Variants in GLT8D1 observed in about 807,000 individuals in gnomAD.
The protein encoded by GLT8D1 is glycosyltransferase 8 domain-containing protein 1.
Under a neutral mutation model 46.2 loss-of-function variants are expected in GLT8D1, and 41 were observed. The observed-to-expected ratio is 0.89, with a 90% confidence interval of 0.69 to 1.15. The LOEUF is 1.15. Ranked by LOEUF, GLT8D1 falls within the 50% of genes most tolerant of loss-of-function variation. The pLI is 0.00. For synonymous variants in GLT8D1, 150 were observed against 154.2 expected (o/e 0.97, Z 0.20); for missense variants, 408 against 449.3 (o/e 0.91, Z 0.83).
At position 52,694,557 on chromosome 3, in the gene GLT8D1, GAATT is replaced by G; in HGVS notation, c.*284_*287del. 1 of 582,880 alleles carries G rather than the reference GAATT, an allele frequency of 1.7e-6. No homozygotes were observed. Among genetic ancestry groups the G allele is most frequent in the Non-Finnish European group, 3.0e-6 (1 of 328,794 alleles). The allele number at this position is 582,880 out of a possible 1,614,324, so 36.1% of individuals were successfully genotyped here. A position where few individuals can be genotyped will look rare whatever the true frequency, so the allele number is the denominator to read the frequency against. The stretch of plus-strand genomic sequence containing the variant: ...CAAAATTAAAACCAACAGCAGTTTT[GAATT>G]ATCTGTACCAGCTAGCTGAACTAGC... On this transcript the variant is annotated 3_prime_UTR_variant, in exon 10 of 10. Coordinates refer to ENST00000266014, the MANE Select transcript of GLT8D1 (RefSeq NM_018446.4).
intron 4 of GLT8D1, 116 bp downstream of exon 4, chr3:52,697,605 G>A (rs2097335142): frequency 1.3e-6 from 1 of 758,410 alleles, no homozygotes; most frequent in African/African-American, 1.7e-5. Context: ...GTTTATCACT[G>A]GTACAATTTC....
chr3:52,704,691 G>A (rs1295606938), intron 1 of GLT8D1: 1 of 152,168 alleles, frequency 6.6e-6, no homozygotes, highest in Admixed American at 6.5e-5. Context: ...AAGGATGAAA[G>A]GGCACTGAGG....
intron 3 of GLT8D1, among the ~76,000 whole-genome samples, chr3:52,699,159 A>C (rs1379144550): frequency 6.6e-6 from 1 of 152,246 alleles, no homozygotes; most frequent in Admixed American, 6.5e-5. Flanking sequence ...GAAGGTACTA[A>C]GCCAAAATTG....
Position 52,696,554 on chromosome 3 carries a change from T to A in GLT8D1, c.435A>T (p.Glu145Asp). 6.4e-7 allele frequency: 1 copy of A among 1,566,040 alleles called. No homozygotes were observed. Among genetic ancestry groups the A allele is most frequent in the East Asian group, 2.2e-5 (1 of 44,658 alleles). The change falls in exon 5 of 10, where the codon GAA becomes GAT. Residue 145 changes from glutamate (E) to aspartate (D), a missense_variant. By Grantham distance (45) the Glu-to-Asp change is conservative. Transcript: ENST00000266014. ...GKVKEDPDQG[E>D]SMKPLTFARF... ...GCATGGAACTCACAGGTTTCATGGA[T>A]TCCCCCTGGTCAGGATCCTCCTTTA...
Position 52,695,597 on chromosome 3 carries a change from C to CAAA in GLT8D1, c.646-13_646-11dup. On this transcript the variant is annotated splice_polypyrimidine_tract_variant and intron_variant, in intron 7 of 9. Transcript: ENST00000266014. ...AGCCAATGTAATTGTACTAAAAACA[C>CAAA]AAATAGGATATATGTACTTACTGCT... 6.6e-7 allele frequency: 1 copy of CAAA among 1,517,854 alleles called. No homozygotes were observed. The highest frequency in any genetic ancestry group is 9.1e-7 in the Non-Finnish European group (1 of 1,093,788). The allele number at this position is 1,517,854 out of a possible 1,614,324, so 94.0% of individuals were successfully genotyped here.
chr3:52,694,738 C>G lies in GLT8D1; in HGVS notation c.*107G>C. On this transcript the variant is annotated 3_prime_UTR_variant, in exon 10 of 10. Coordinates refer to ENST00000266014, the MANE Select transcript of GLT8D1 (RefSeq NM_018446.4). ...CTTTACCTAGCTGACACATCTTTTT[C>G]CATGGCTTGCTACCGATAGGCATTG... 1 of 795,574 alleles carries G rather than the reference C, an allele frequency of 1.3e-6. No homozygotes were observed. 49.3% of individuals were successfully genotyped at this position (795,574 alleles called of 1,614,324 possible).
At chr3:52,701,944 T>C (rs1450479889) in intron 1 of GLT8D1, among the ~76,000 whole-genome samples, 1 of 152,254 alleles carries the variant, frequency 6.6e-6, no homozygotes, top group Non-Finnish European at 1.5e-5. Flanking sequence ...CTTTCTTACT[T>C]CATCTTCACC....
Position 52,700,379 on chromosome 3 carries a change from A to G in GLT8D1, c.17-19T>C. The G allele has an allele frequency of 6.3e-7, 1 of 1,599,872 alleles. No homozygotes were observed. ...ATGTTTACTGAAATAGATAGGGAAA[A>G]CCTATGTTATACCTCTTTATCTTTG... is the stretch of plus-strand genomic sequence containing the variant. On this transcript the variant is annotated intron_variant, in intron 2 of 9. Coordinates refer to ENST00000266014, the MANE Select transcript of GLT8D1 (RefSeq NM_018446.4).
At chr3:52,698,748 C>T (rs1374573175) in intron 3 of GLT8D1, among the ~76,000 whole-genome samples, 2 of 149,112 alleles carry the variant, frequency 1.3e-5, no homozygotes, top group Non-Finnish European at 3.0e-5. Flanking sequence ...AAGGAAACTG[C>T]AATTACTGTC....
Position 52,694,788 on chromosome 3 carries a change from C to T in GLT8D1, c.*57G>A, listed in dbSNP as rs6976. ...GAAGCCTAGCAACTGTTACTTCCCA[C>T]GCATGCTATCTTCCAGGACTTCCTG... On this transcript the variant is annotated 3_prime_UTR_variant, in exon 10 of 10. Transcript: ENST00000266014. 440,520 of 1,185,854 alleles carry T rather than the reference C, an allele frequency of 0.37. 86,465 individuals carry two copies. The highest frequency in any genetic ancestry group is 0.5 in the Admixed American group (29,509 of 58,916). The allele number at this position is 1,185,854 out of a possible 1,614,324, so 73.5% of individuals were successfully genotyped here. A position where few individuals can be genotyped will look rare whatever the true frequency, so the allele number is the denominator to read the frequency against.
chr3:52,694,911 A>G lies in GLT8D1; in HGVS notation c.1050T>C (p.Tyr350=), dbSNP rs751155002. The G allele has an allele frequency of 5.6e-6, 9 of 1,611,772 alleles. No individual in the cohort carries two copies. In the Admixed American group the frequency reaches 1.3e-4, roughly 24 times the overall value. The change falls in exon 10 of 10, where the codon TAT becomes TAC. Residue 350 remains tyrosine (Y), a synonymous_variant. Transcript: ENST00000266014. ...TGAATTTGCCTGTTGGGTCTGGAATATACCATTTTTCCCAAACATCAGTAT... is the reference window on the plus strand; with the variant it reads ...TGAATTTGCCTGTTGGGTCTGGAATGTACCATTTTTCCCAAACATCAGTAT... ...ASYTDVWEKW[Y]IPDPTGKFNL...
At chr3:52,696,719 A>T in intron 4 of GLT8D1, 60 bp from the exon 5 acceptor site, 1 of 939,964 alleles carries the variant, frequency 1.1e-6, no homozygotes, top group Non-Finnish European at 1.7e-6. Flanking sequence ...CAATGAGGGA[A>T]TAATGCAAAA....
At chr3:52,699,867 C>T (rs997806777) in intron 3 of GLT8D1, among the ~76,000 whole-genome samples, 4 of 152,128 alleles carry the variant, frequency 2.6e-5, no homozygotes, top group African/African-American at 9.7e-5. Context: ...ACAGTATGAA[C>T]GACTAATTCA....
intron 3 of GLT8D1, among the ~76,000 whole-genome samples, chr3:52,699,666 A>G (rs1424532063): frequency 6.6e-6 from 1 of 152,138 alleles, no homozygotes; most frequent in Non-Finnish European, 1.5e-5. Context: ...AAACTTTCCT[A>G]CCAGGAACAT....
rs2097335320 is a variant in GLT8D1 at position 52,697,765 on chromosome 3, C to T, written c.285G>A (p.Val95=). ...TGTTGAGAGTAACAATGTAGAAAAT[C>T]ACATTGGAGCGAGTGTTGTGCTGAA... ...NSIQHNTRSN[V]IFYIVTLNNT... The change falls in exon 4 of 10, where the codon GTG becomes GTA. Residue 95 remains valine, a synonymous_variant. Coordinates refer to ENST00000266014, the MANE Select transcript of GLT8D1 (RefSeq NM_018446.4). 6.2e-7 allele frequency: 1 copy of T among 1,613,596 alleles called. No individual in the cohort carries two copies. The highest frequency in any genetic ancestry group is 1.7e-5 in the Admixed American group (1 of 60,016).
In GLT8D1 at chr3:52,705,763, G is replaced by T; in HGVS notation, c.-353C>A. 1 of 1,120,324 alleles carries T rather than the reference G, an allele frequency of 8.9e-7. No homozygotes were observed. Among genetic ancestry groups the T allele is most frequent in the Non-Finnish European group, 1.1e-6 (1 of 872,392 alleles). 69.4% of individuals were successfully genotyped at this position (1,120,324 alleles called of 1,614,324 possible). ...GCCCAGCCAGCCCGCAGCGGTAACC[G>T]CTAGAGCGTCGCGCCAAGCAGGCGC... On this transcript the variant is annotated 5_prime_UTR_variant, in exon 1 of 10. Coordinates refer to ENST00000266014, the MANE Select transcript of GLT8D1 (RefSeq NM_018446.4).
chr3:52,701,348 C>CAAAAAA (rs71087010), intron 1 of GLT8D1: 1 of 139,850 alleles, frequency 7.2e-6, no homozygotes. Context: ...TTGTAACTAG[C>CAAAAAA]AAAAAAAAAA....
rs767101068 is a variant in GLT8D1 at position 52,696,054 on chromosome 3, G to A, written c.533-14C>T. On this transcript the variant is annotated splice_polypyrimidine_tract_variant and intron_variant, in intron 6 of 9. Coordinates refer to ENST00000266014, the MANE Select transcript of GLT8D1 (RefSeq NM_018446.4). The stretch of plus-strand genomic sequence containing the variant: ...CAAGAATATCACCTGAAATAGACAA[G>A]ATGTTAAGATTTACATTTCCGTTGC... 1.1e-5 allele frequency: 16 copies of A among 1,503,274 alleles called. No individual in the cohort carries two copies. In the Middle Eastern group the frequency reaches 5.1e-4, roughly 48 times the overall value. 93.1% of individuals were successfully genotyped at this position (1,503,274 alleles called of 1,614,324 possible).
chr3:52,696,561 T>A lies in GLT8D1; in HGVS notation c.428A>T (p.Gln143Leu), dbSNP rs779304727. The change falls in exon 5 of 10, where the codon CAG becomes CTG. Residue 143 changes from glutamine (Q) to leucine (L), a missense_variant. Coordinates refer to ENST00000266014, the MANE Select transcript of GLT8D1 (RefSeq NM_018446.4). ...ACTCACAGGTTTCATGGATTCCCCC[T>A]GGTCAGGATCCTCCTTTACTTTTCC... is the stretch of plus-strand genomic sequence containing the variant. ...LEGKVKEDPD[Q>L]GESMKPLTFA... 2 of 1,582,320 alleles carry A rather than the reference T, an allele frequency of 1.3e-6. No individual in the cohort carries two copies. Among genetic ancestry groups the A allele is most frequent in the Non-Finnish European group, 1.7e-6 (2 of 1,151,038 alleles).
Sources: allele counts gnomAD v4.1 joint callset (sites outside exome capture counted in the v4.1 genomes callset), GRCh38; gene constraint gnomAD v4.1.1; transcripts MANE v1.5; gene names NCBI Gene and HGNC (gene_info 2026-07-23, HGNC 2026-07-21).